The following GJC1 variants were observed in gnomAD, a reference collection of about 807,000 sequenced individuals.
The protein encoded by GJC1 is gap junction gamma-1 protein.
Under a neutral mutation model 29.3 loss-of-function variants are expected in GJC1, and 5 were observed. The observed-to-expected ratio is 0.17, with a 90% CI of 0.09 to 0.36. GJC1 has a LOEUF of 0.36. Among genes scored for constraint, GJC1 ranks in the 10% least tolerant of loss-of-function variants. The pLI is 1.00. For missense variants in GJC1, 310 were observed against 496.2 expected, an observed-to-expected ratio of 0.62 and a Z score of 3.56; for synonymous variants, 177 against 183.3, an observed-to-expected ratio of 0.97 and a Z score of 0.28.
intron 1 of GJC1, among the ~76,000 whole-genome samples, chr17:44,811,145 G>A (rs574925742): frequency 6.6e-6 from 1 of 151,836 alleles, no homozygotes; most frequent in Non-Finnish European, 1.5e-5. Flanking sequence ...GCAATGGCAC[G>A]ATCTCAGCTC....
chr17:44,819,740 T>A (rs1380529720), intron 1 of GJC1, among the ~76,000 whole-genome samples: 1 of 152,174 alleles, frequency 6.6e-6, no homozygotes, highest in African/African-American at 2.4e-5. Flanking sequence ...CTGAATAATA[T>A]ATTCCATAGT....
intron 1 of GJC1, among the ~76,000 whole-genome samples, chr17:44,818,784 A>G (rs2050072058): frequency 6.6e-6 from 1 of 151,704 alleles, no homozygotes; most frequent in Non-Finnish European, 1.5e-5. Flanking sequence ...AAGAGAGCAA[A>G]AGAGCAAAAC....
At chr17:44,818,189 G>A (rs1365424089) in intron 1 of GJC1, among the ~76,000 whole-genome samples, 1 of 151,938 alleles carries the variant, frequency 6.6e-6, no homozygotes, top group Non-Finnish European at 1.5e-5. Flanking sequence ...CTCCAGCCTG[G>A]GCGACAAGAG....
intron 1 of GJC1, among the ~76,000 whole-genome samples, chr17:44,825,893 A>G (rs2050169742): frequency 6.6e-6 from 1 of 152,098 alleles, no homozygotes; most frequent in Non-Finnish European, 1.5e-5. Context: ...TGAGAGCTGG[A>G]GAAGAATTCA....
chr17:44,794,862 C>T (rs745580722), downstream of GJC1: 51 of 152,226 alleles, frequency 3.4e-4, no homozygotes, highest in Admixed American at 2.3e-3. Context: ...GTCGGCAGTT[C>T]TTTCCTCCAG....
At chr17:44,818,501 C>G (rs2050068700) in intron 1 of GJC1, among the ~76,000 whole-genome samples, 1 of 115,384 alleles carries the variant, frequency 8.7e-6, no homozygotes, top group South Asian at 3.2e-4. Flanking sequence ...CTCTAATAGT[C>G]TCATGTTAAA....
chr17:44,809,263 T>TA (rs2049946618), intron 1 of GJC1, among the ~76,000 whole-genome samples: 1 of 152,100 alleles, frequency 6.6e-6, no homozygotes, highest in Non-Finnish European at 1.5e-5. Flanking sequence ...TCTAACACAA[T>TA]AAAATTTCCA....
chr17:44,827,616 G>C (rs1360682827), intron 1 of GJC1, among the ~76,000 whole-genome samples: 1 of 152,046 alleles, frequency 6.6e-6, no homozygotes, highest in Admixed American at 6.6e-5. Flanking sequence ...TGACAGCCTG[G>C]GCATCATAGC....
At chr17:44,795,816 C>T (rs190510517), downstream of GJC1, among the ~76,000 whole-genome samples, 30 of 152,390 alleles carry the variant, frequency 2.0e-4, no homozygotes, top group African/African-American at 7.0e-4. Flanking sequence ...AATTAGACCT[C>T]TGCCTCATTG....
At chr17:44,796,846 TATAG>T (rs2049786601), downstream of GJC1, among the ~76,000 whole-genome samples, 1 of 152,010 alleles carries the variant, frequency 6.6e-6, no homozygotes, top group South Asian at 2.1e-4. Context: ...CACGTATATA[TATAG>T]AGAGACAGAC....
chr17:44,817,580 C>CA (rs1319667628), intron 1 of GJC1, among the ~76,000 whole-genome samples: 1 of 151,966 alleles, frequency 6.6e-6, no homozygotes, highest in African/African-American at 2.4e-5. Flanking sequence ...CGTGATGGTG[C>CA]ATGCCTGTAA....
At chr17:44,814,936 A>T (rs2050025737) in intron 1 of GJC1, among the ~76,000 whole-genome samples, 1 of 151,702 alleles carries the variant, frequency 6.6e-6, no homozygotes. Flanking sequence ...AGCAAGACTC[A>T]GTCTTAGGAA....
intron 1 of GJC1, among the ~76,000 whole-genome samples, chr17:44,814,964 G>A (rs2145335483): frequency 6.6e-6 from 1 of 152,016 alleles, no homozygotes; most frequent in South Asian, 2.1e-4. Flanking sequence ...AAAAATTTCA[G>A]GACATAAGTC....
At chr17:44,815,164 C>A (rs1366381690) in intron 1 of GJC1, among the ~76,000 whole-genome samples, 2 of 152,014 alleles carry the variant, frequency 1.3e-5, no homozygotes, top group East Asian at 3.9e-4. Context: ...ATGTCTTTTG[C>A]TAATTAGTAA....
At position 44,800,748 on chromosome 17, in the gene GJC1, T is replaced by G. The variant is rs1257569872; in HGVS notation, c.*3879A>C. The G allele has an allele frequency of 6.6e-6, 1 of 151,926 alleles. No homozygotes were observed. The highest frequency in any genetic ancestry group is 1.5e-5 in the Non-Finnish European group (1 of 67,980). The allele number at this position is 151,926 out of a possible 1,614,324, so 9.4% of individuals were successfully genotyped here. On this transcript the variant is annotated 3_prime_UTR_variant, in exon 3 of 3. Transcript: ENST00000592524. ...TCCAACTTTTTTTTTAAGCGCCAAG[T>G]TCAAACAAGTGACCAATAATAATGG...
Position 44,830,236 on chromosome 17 carries a change from T to TGCCGCC in GJC1, c.-277_-272dup, listed in dbSNP as rs997845649. 55 of 160,610 alleles carry TGCCGCC rather than the reference T, an allele frequency of 3.4e-4. 1 individual carries two copies. The highest frequency in any genetic ancestry group is 1.4e-3 in the South Asian group (8 of 5,816). 9.9% of individuals were successfully genotyped at this position (160,610 alleles called of 1,614,324 possible). A position where few individuals can be genotyped will look rare whatever the true frequency, so the allele number is the denominator to read the frequency against. The stretch of plus-strand genomic sequence containing the variant: ...CCGAGGCAGAAGCCGCTCCCGCCGC[T>TGCCGCC]GCCGCCGCCGCCGCCGCCTCCCGCT... On this transcript the variant is annotated 5_prime_UTR_variant, in exon 1 of 3. Transcript: ENST00000592524. The surrounding 1 kb of genome is among the most constrained non-coding windows in gnomAD (Gnocchi z 4.3).
chr17:44,815,702 T>C (rs1367028034), intron 1 of GJC1, among the ~76,000 whole-genome samples: 1 of 152,218 alleles, frequency 6.6e-6, no homozygotes, highest in Non-Finnish European at 1.5e-5. Flanking sequence ...AAAGGTAATC[T>C]TGATATAGTA....
intron 1 of GJC1, among the ~76,000 whole-genome samples, chr17:44,817,164 C>G (rs2050053136): frequency 6.6e-6 from 1 of 151,866 alleles, no homozygotes; most frequent in Non-Finnish European, 1.5e-5. Context: ...TGAGATCGTG[C>G]CATTGCACTC....
intron 1 of GJC1, among the ~76,000 whole-genome samples, chr17:44,815,595 T>C (rs2050032580): frequency 6.6e-6 from 1 of 152,164 alleles, no homozygotes; most frequent in South Asian, 2.1e-4. Flanking sequence ...TTCAAAATCA[T>C]GTCAATTTTC....
Sources: gnomAD v4.1 joint callset for allele counts (sites outside exome capture counted in the v4.1 genomes callset) on GRCh38, gnomAD v4.1.1 for gene constraint, Gnocchi (gnomAD v3.1) non-coding constraint, MANE v1.5 for transcripts, NCBI Gene and HGNC (gene_info 2026-07-23, HGNC 2026-07-21) for gene names.